The following SV2B variants were observed in gnomAD, a reference collection of about 807,000 sequenced individuals.
The protein encoded by SV2B is synaptic vesicle glycoprotein 2B.
Under a neutral mutation model 73.9 loss-of-function variants are expected in SV2B, and 41 were observed. The ratio of observed to expected loss-of-function variants is 0.56; its 90% CI spans 0.43 to 0.72. SV2B has a LOEUF of 0.72. Ranked by LOEUF, SV2B falls within the 30% of genes least tolerant of loss-of-function variation. The pLI is 0.00. For missense variants in SV2B, 764 were observed against 857.8 expected, an observed-to-expected ratio of 0.89 and a Z score of 1.37; for synonymous variants, 314 against 314.2, an observed-to-expected ratio of 1.00 and a Z score of 0.01.
At chr15:91,179,542 T>G (rs919435875) in intron 1 of SV2B, among the ~76,000 whole-genome samples, 9 of 152,218 alleles carry the variant, frequency 5.9e-5, no homozygotes, top group African/African-American at 1.4e-4. Flanking sequence ...CTCTTTGTAG[T>G]TCACTAAGGA....
At chr15:91,209,923 C>T (rs750096614) in intron 1 of SV2B, among the ~76,000 whole-genome samples, 1 of 152,178 alleles carries the variant, frequency 6.6e-6, no homozygotes, top group African/African-American at 2.4e-5. Context: ...AATATGTTTG[C>T]ATTCCTGGCA....
rs1040257553 is a variant in SV2B, at chr15:91,236,772, T to A, written c.451+10058T>A. 1.4e-4 allele frequency among the ~76,000 whole-genome samples: 21 copies of A among 152,038 alleles called. No individual in the cohort carries two copies. The highest frequency in any genetic ancestry group is 4.3e-4 in the African/African-American group (18 of 41,414). ...GGCCCCTATTCCACTTGACATTACC[T>A]GGGGCAGCTGGAAGGTGGGGGCTGG... On this transcript the variant is annotated intron_variant, in intron 2 of 12. Coordinates refer to ENST00000394232, the MANE Select transcript of SV2B (RefSeq NM_001323032.3). The surrounding 1 kb of genome is among the most constrained non-coding windows in gnomAD (Gnocchi z 4.1).
rs145051689 is a variant in SV2B, at chr15:91,121,255, T to G, written c.-392+20892T>G. ...TCAGGCGAGTTTTTATCTAGTGCTGTGGTTCTCAATCCTGGCTGTACTTTA... is the reference window on the plus strand; with the variant it reads ...TCAGGCGAGTTTTTATCTAGTGCTGGGGTTCTCAATCCTGGCTGTACTTTA... On this transcript the variant is annotated intron_variant, in intron 1 of 12. Transcript: ENST00000394232. The surrounding 1 kb of genome is among the most constrained non-coding windows in gnomAD (Gnocchi z 4.4). 1.6e-3 allele frequency among the ~76,000 whole-genome samples: 246 copies of G among 152,326 alleles called. 2 individuals carry two copies. The highest frequency in any genetic ancestry group is 5.4e-3 in the African/African-American group (225 of 41,576).
intron 1 of SV2B, among the ~76,000 whole-genome samples, chr15:91,169,871 G>A (rs1306302576): frequency 1.3e-5 from 2 of 152,114 alleles, no homozygotes; most frequent in Non-Finnish European, 2.9e-5. Context: ...TTAGCAGCCT[G>A]GAAATTTTTT....
In SV2B at chr15:91,258,596, G is replaced by A. The variant is rs1281233848; in HGVS notation, c.918+42G>A. The A allele has an allele frequency of 6.2e-7, 1 of 1,610,920 alleles. No homozygotes were observed. Among genetic ancestry groups the A allele is most frequent in the Non-Finnish European group, 8.5e-7 (1 of 1,178,512 alleles). On this transcript the variant is annotated intron_variant, in intron 5 of 12. Coordinates refer to ENST00000394232, the MANE Select transcript of SV2B (RefSeq NM_001323032.3). The surrounding 1 kb of genome is among the most constrained non-coding windows in gnomAD (Gnocchi z 4.7). ...CCACCAGGGGGAGAGTGACAAAACA[G>A]CCACAGGAACCCAGCCTCGCTTCCT... is the stretch of plus-strand genomic sequence containing the variant.
intron 2 of SV2B, among the ~76,000 whole-genome samples, chr15:91,247,202 G>A (rs144706998): frequency 6.6e-6 from 1 of 152,282 alleles, no homozygotes; most frequent in East Asian, 1.9e-4. Flanking sequence ...CTGGAGCCAG[G>A]AGACCAGAAA....
At position 91,105,911 on chromosome 15, in the gene SV2B, T is replaced by C. The variant is rs1214587643; in HGVS notation, c.-392+5548T>C. Among the ~76,000 whole-genome samples the C allele has an allele frequency of 6.6e-6, 1 of 152,038 alleles. No homozygotes were observed. Among genetic ancestry groups the C allele is most frequent in the Non-Finnish European group, 1.5e-5 (1 of 68,004 alleles). On this transcript the variant is annotated intron_variant, in intron 1 of 12. Transcript: ENST00000394232. This position sits in a 1 kb window ranked among gnomAD's most constrained non-coding sequence, Gnocchi z 5.5. ...AACAAATAAAAAAATTAGCCAGGTGTGGTGGCACATGCCTGTAGCCCTAGC... is the reference window on the plus strand; with the variant it reads ...AACAAATAAAAAAATTAGCCAGGTGCGGTGGCACATGCCTGTAGCCCTAGC...
intron 1 of SV2B, among the ~76,000 whole-genome samples, chr15:91,198,450 C>A (rs980493957): frequency 1.0e-5 from 1 of 97,510 alleles, no homozygotes; most frequent in Non-Finnish European, 2.1e-5. Context: ...CCAAGAAGCA[C>A]GTGTATGTGT....
chr15:91,291,655 C>T (rs574509122), intron 12 of SV2B, among the ~76,000 whole-genome samples: 1 of 152,240 alleles, frequency 6.6e-6, no homozygotes, highest in East Asian at 1.9e-4. Flanking sequence ...TTTTTCTTTC[C>T]TGAAAAAGTC....
chr15:91,256,901 A>T (rs11858158), intron 4 of SV2B, among the ~76,000 whole-genome samples: 4,482 of 152,290 alleles, frequency 0.029, 240 homozygotes, highest in African/African-American at 0.1. Context: ...GGGAGTAATA[A>T]AAATTCAAGG....
At chr15:91,173,621 G>T (rs1375118517) in intron 1 of SV2B, among the ~76,000 whole-genome samples, 1 of 152,142 alleles carries the variant, frequency 6.6e-6, no homozygotes, top group Non-Finnish European at 1.5e-5. Flanking sequence ...TACCCATCCT[G>T]TGTCCACACC....
Position 91,300,543 on chromosome 15 carries a change from G to C in SV2B, c.*7991G>C, listed in dbSNP as rs1226909249. On this transcript the variant is annotated 3_prime_UTR_variant, in exon 13 of 13. Coordinates refer to ENST00000394232, the MANE Select transcript of SV2B (RefSeq NM_001323032.3). The stretch of plus-strand genomic sequence containing the variant: ...TTGGGCTCCAAAGAGCAATTCTGAA[G>C]GATTAACAGGTTTCATTCTCTCCAG... 1 of 152,204 alleles carries C rather than the reference G, an allele frequency of 6.6e-6. No homozygotes were observed. The highest frequency in any genetic ancestry group is 2.4e-5 in the African/African-American group (1 of 41,452). 9.4% of individuals were successfully genotyped at this position (152,204 alleles called of 1,614,324 possible). A position where few individuals can be genotyped will look rare whatever the true frequency, so the allele number is the denominator to read the frequency against.
chr15:91,222,401 A>G, intron 1 of SV2B, among the ~76,000 whole-genome samples: 1 of 152,340 alleles, frequency 6.6e-6, no homozygotes, highest in Middle Eastern at 3.4e-3. Flanking sequence ...TTAATAATCA[A>G]GATTGTAATT....
In SV2B at chr15:91,292,675, G is replaced by T. The variant is rs1156553500; in HGVS notation, c.*123G>T. 7 of 1,237,058 alleles carry T rather than the reference G, an allele frequency of 5.7e-6. No homozygotes were observed. Among genetic ancestry groups the T allele is most frequent in the Non-Finnish European group, 6.6e-6 (6 of 915,464 alleles). 76.6% of individuals were successfully genotyped at this position (1,237,058 alleles called of 1,614,324 possible). On this transcript the variant is annotated 3_prime_UTR_variant, in exon 13 of 13. Transcript: ENST00000394232. ...TAGCACGGGAGGAGAAGTTGACTTT[G>T]TGACCCCTAGTTTAGGACCCACTTC...
intron 1 of SV2B, among the ~76,000 whole-genome samples, chr15:91,216,130 T>G (rs1369571879): frequency 6.6e-6 from 1 of 152,006 alleles, no homozygotes; most frequent in Admixed American, 6.6e-5. Flanking sequence ...GTGGGGCGAG[T>G]GCAGCAATTG....
At chr15:91,104,127 C>T (rs558674940) in intron 1 of SV2B, among the ~76,000 whole-genome samples, 24 of 152,336 alleles carry the variant, frequency 1.6e-4, no homozygotes, top group African/African-American at 5.5e-4. Context: ...CAAACCACCC[C>T]TAAACTTAAT....
chr15:91,226,352 A>G lies in SV2B; in HGVS notation c.89A>G (p.Asp30Gly). 7 of 1,614,148 alleles carry G rather than the reference A, an allele frequency of 4.3e-6. No homozygotes were observed. The highest frequency in any genetic ancestry group is 5.9e-6 in the Non-Finnish European group (7 of 1,180,030). Residue 30 changes from aspartate (D) to glycine (G), a missense_variant, in exon 2 of 13, where the codon GAT (aspartate) becomes GGT (glycine). Coordinates refer to ENST00000394232, the MANE Select transcript of SV2B (RefSeq NM_001323032.3). ...YRGNESNPEE[D>G]AQSDVTEGHD... ...GGCAATGAGTCCAACCCAGAAGAAG[A>G]TGCACAGAGTGATGTCACCGAAGGC...
At chr15:91,188,293 T>TTATA (rs970538644) in intron 1 of SV2B, among the ~76,000 whole-genome samples, 3 of 60,272 alleles carry the variant, frequency 5.0e-5, no homozygotes, top group Non-Finnish European at 6.6e-5. Context: ...TTTTATTTAT[T>TTATA]TATTTATTTA....
chr15:91,286,721 AT>A (rs1231593272), intron 11 of SV2B, among the ~76,000 whole-genome samples: 1 of 152,160 alleles, frequency 6.6e-6, no homozygotes, highest in Admixed American at 6.5e-5. Context: ...TTTAATCAAC[AT>A]TTTAGAGATG....
Sources: gnomAD v4.1 joint callset for allele counts (sites outside exome capture counted in the v4.1 genomes callset) on GRCh38, gnomAD v4.1.1 for gene constraint, Gnocchi (gnomAD v3.1) non-coding constraint, MANE v1.5 for transcripts, NCBI Gene and HGNC (gene_info 2026-07-23, HGNC 2026-07-21) for gene names.